Variants in PSMA6 observed in about 807,000 individuals in gnomAD.
The protein encoded by PSMA6 is proteasome 20S subunit alpha 6.
For missense variants in PSMA6, 170 were observed against 294.8 expected, an observed-to-expected ratio of 0.58 and a Z score of 3.10; for synonymous variants, 88 against 97.7, an observed-to-expected ratio of 0.90 and a Z score of 0.59.
chr14:35,291,448 C>T (rs1594375919), upstream of PSMA6, among the ~76,000 whole-genome samples: 1 of 152,200 alleles, frequency 6.6e-6, no homozygotes, highest in East Asian at 1.9e-4. Flanking sequence ...TCTCAATCTC[C>T]TGACCTCGTG....
intron 1 of PSMA6, among the ~76,000 whole-genome samples, chr14:35,295,145 C>T (rs1192108561): frequency 1.3e-5 from 2 of 152,068 alleles, no homozygotes; most frequent in Admixed American, 6.6e-5. Context: ...GAAGACCAGC[C>T]TGACCAACAT....
At chr14:35,281,393 C>G (rs550770508) in intron 1 of PSMA6, among the ~76,000 whole-genome samples, 114 of 152,266 alleles carry the variant, frequency 7.5e-4, no homozygotes, top group Non-Finnish European at 1.3e-3. Context: ...GCCTTCATTT[C>G]CTTTTCTGTT....
At chr14:35,292,832 C>G (rs559311662) in intron 1 of PSMA6, 3 of 547,326 alleles carry the variant, frequency 5.5e-6, no homozygotes, top group South Asian at 1.9e-5. Context: ...ACTCCGGCTT[C>G]GTGAGGCCCC....
chr14:35,284,062 T>C (rs923837178), intron 1 of PSMA6, among the ~76,000 whole-genome samples: 17 of 152,180 alleles, frequency 1.1e-4, no homozygotes, highest in Admixed American at 2.0e-4. Context: ...CCACTCTCCT[T>C]GCTCAAAAAC....
chr14:35,298,359 G>A (rs754006907), intron 1 of PSMA6, among the ~76,000 whole-genome samples: 10 of 151,954 alleles, frequency 6.6e-5, no homozygotes, highest in South Asian at 2.1e-4. Flanking sequence ...GTGTGGTGGC[G>A]TGCCCCTGTA....
At chr14:35,282,294 G>A (rs2051373827) in intron 1 of PSMA6, among the ~76,000 whole-genome samples, 1 of 152,158 alleles carries the variant, frequency 6.6e-6, no homozygotes, top group Non-Finnish European at 1.5e-5. Flanking sequence ...ATGTGCAGCA[G>A]TGTGATCATG....
intron 6 of PSMA6, chr14:35,316,701 A>G (rs1566565548): frequency 1.3e-5 from 2 of 152,738 alleles, no homozygotes; most frequent in African/African-American, 2.4e-5. Flanking sequence ...CCCCATCTCT[A>G]CTAAAAATAG....
chr14:35,295,973 G>A (rs1407400217), intron 1 of PSMA6, among the ~76,000 whole-genome samples: 2 of 152,108 alleles, frequency 1.3e-5, no homozygotes, highest in Admixed American at 6.6e-5. Context: ...ATCCTTTGCT[G>A]GATAGGTCTG....
intron 1 of PSMA6, among the ~76,000 whole-genome samples, chr14:35,306,478 C>T (rs1378522035): frequency 1.3e-5 from 2 of 151,924 alleles, no homozygotes; most frequent in South Asian, 2.1e-4. Flanking sequence ...CTGAGGCAGG[C>T]AGATCACCTG....
intron 6 of PSMA6, chr14:35,315,927 A>G (rs1490583125): frequency 1.3e-5 from 2 of 152,238 alleles, no homozygotes; most frequent in East Asian, 1.9e-4. Flanking sequence ...ATTACAGTAC[A>G]TAGCATAAGC....
intron 1 of PSMA6, among the ~76,000 whole-genome samples, chr14:35,293,451 G>T (rs190722501): frequency 5.3e-5 from 8 of 152,276 alleles, no homozygotes; most frequent in Admixed American, 6.5e-5. Context: ...TTTACATCTG[G>T]TCCGTGATGG....
intron 1 of PSMA6, among the ~76,000 whole-genome samples, chr14:35,294,374 C>T (rs2051542816): frequency 3.3e-5 from 5 of 152,194 alleles, no homozygotes; most frequent in Admixed American, 3.3e-4. Context: ...TAACACACTC[C>T]CTCTGCTATT....
chr14:35,292,268 C>G (rs1224488709), upstream of PSMA6: 1 of 1,376,510 alleles, frequency 7.3e-7, no homozygotes, highest in African/African-American at 1.5e-5. Flanking sequence ...CAAAGGCCTC[C>G]CGCCCTCACT....
intron 1 of PSMA6, among the ~76,000 whole-genome samples, chr14:35,297,462 G>A (rs900392176): frequency 2.0e-5 from 3 of 152,022 alleles, no homozygotes; most frequent in Non-Finnish European, 2.9e-5. Context: ...TGATCCGCCT[G>A]CCTCGGCCTC....
intron 1 of PSMA6, among the ~76,000 whole-genome samples, chr14:35,294,375 C>G (rs1040792545): frequency 2.0e-5 from 3 of 152,210 alleles, no homozygotes; most frequent in African/African-American, 7.2e-5. Flanking sequence ...AACACACTCC[C>G]TCTGCTATTC....
chr14:35,292,223 A>C (rs1347873287), upstream of PSMA6: 1 of 1,089,170 alleles, frequency 9.2e-7, no homozygotes, highest in African/African-American at 1.6e-5. Context: ...ACGTCTATCC[A>C]CTCAAGAGGC....
chr14:35,282,788 C>A (rs2051380321), intron 1 of PSMA6, among the ~76,000 whole-genome samples: 1 of 151,760 alleles, frequency 6.6e-6, no homozygotes, highest in Admixed American at 6.5e-5. Context: ...CTGGGAGGCA[C>A]AGGTTGCAGT....
chr14:35,296,581 G>A (rs950711132), intron 1 of PSMA6, among the ~76,000 whole-genome samples: 3 of 151,770 alleles, frequency 2.0e-5, no homozygotes, highest in Admixed American at 6.6e-5. Flanking sequence ...TGCCCACCTC[G>A]GCCTCCCAAA....
At position 35,301,909 on chromosome 14, in the gene PSMA6, A is replaced by G. The variant is rs143449193; in HGVS notation, c.77-6085A>G. On this transcript the variant is annotated intron_variant, in intron 1 of 6. Coordinates refer to ENST00000261479, the MANE Select transcript of PSMA6 (RefSeq NM_002791.3). Reference sequence around the variant, plus strand: ...CCAGATAAGTAATGCCAGTGAGTAAAACAGGCTGAGTGAAAGATAACAGGA... The same window carrying G: ...CCAGATAAGTAATGCCAGTGAGTAAGACAGGCTGAGTGAAAGATAACAGGA... Among the ~76,000 whole-genome samples the G allele has an allele frequency of 4.7e-3, 722 of 152,312 alleles. 10 individuals carry two copies. Among genetic ancestry groups the G allele is most frequent in the African/African-American group, 0.016 (647 of 41,562 alleles).
Sources: gnomAD v4.1 joint callset for allele counts (sites outside exome capture counted in the v4.1 genomes callset) on GRCh38, gnomAD v4.1.1 for gene constraint, MANE v1.5 for transcripts, NCBI Gene and HGNC (gene_info 2026-07-23, HGNC 2026-07-21) for gene names.